The following CCBE1 variants were observed in gnomAD, a reference collection of about 807,000 sequenced individuals.
CCBE1 encodes the protein collagen and calcium binding EGF domains 1.
A neutral mutation model predicts 50.0 loss-of-function variants in CCBE1; 37 were observed. That is an observed-to-expected ratio of 0.74 (90% confidence interval 0.57 to 0.97). The LOEUF is 0.97. Among genes scored for constraint, CCBE1 ranks in the 50% least tolerant of loss-of-function variants. The pLI, the probability that CCBE1 is intolerant of heterozygous loss-of-function variation, is 0.00. For missense variants in CCBE1, 538 were observed against 523.8 expected (o/e 1.03, Z -0.26); for synonymous variants, 234 against 203.7 (o/e 1.15, Z -1.27).
intron 2 of CCBE1, among the ~76,000 whole-genome samples, chr18:59,609,242 C>T (rs1052158949): frequency 1.7e-4 from 26 of 152,228 alleles, no homozygotes; most frequent in African/African-American, 6.3e-4. Context: ...TTGGCTTCAA[C>T]CACCATTCAT....
chr18:59,475,665 C>T (rs1419372511), intron 3 of CCBE1, among the ~76,000 whole-genome samples: 10 of 152,136 alleles, frequency 6.6e-5, no homozygotes, highest in East Asian at 1.9e-4. Context: ...ACCCTCTCAC[C>T]GCCCATGGGA....
chr18:59,462,468 C>G (rs1911532805), intron 5 of CCBE1: 1 of 152,104 alleles, frequency 6.6e-6, no homozygotes, highest in Non-Finnish European at 1.5e-5. Flanking sequence ...TCACTGCAGC[C>G]TCAACCTCCT....
intron 2 of CCBE1, among the ~76,000 whole-genome samples, chr18:59,631,127 T>C (rs2053843347): frequency 6.6e-6 from 1 of 152,074 alleles, no homozygotes; most frequent in African/African-American, 2.4e-5. Context: ...GAATACAACT[T>C]ACTTGCCCAC....
rs2143674300 is a variant in CCBE1 at position 59,454,856 on chromosome 18, G to T, written c.649C>A (p.Gln217Lys). 1 of 1,614,062 alleles carries T rather than the reference G, an allele frequency of 6.2e-7. No homozygotes were observed. Among genetic ancestry groups the T allele is most frequent in the African/African-American group, 1.3e-5 (1 of 75,060 alleles). ...CCCACCCCAGCGGCACGTACCTTTT[G>T]CTTCAGCTGCAGCACGGTCTGCTTC... ...QMKQTVLQLK[Q>K]KIALLPNNAA... Residue 217 changes from glutamine to lysine, a missense_variant, in exon 6 of 11, where the codon CAA becomes AAA. Coordinates refer to ENST00000439986, the MANE Select transcript of CCBE1 (RefSeq NM_133459.4).
intron 2 of CCBE1, among the ~76,000 whole-genome samples, chr18:59,556,496 G>A (rs2052659115): frequency 6.6e-6 from 1 of 152,080 alleles, no homozygotes; most frequent in Non-Finnish European, 1.5e-5. Context: ...ATTACTTATT[G>A]AATGTGATCC....
At chr18:59,656,008 T>C (rs1438931149) in intron 2 of CCBE1, among the ~76,000 whole-genome samples, 2 of 152,210 alleles carry the variant, frequency 1.3e-5, no homozygotes, top group African/African-American at 4.8e-5. Flanking sequence ...ATGTTGACTC[T>C]CTGTGAATGT....
At chr18:59,630,904 T>C (rs1297130925) in intron 2 of CCBE1, among the ~76,000 whole-genome samples, 1 of 152,240 alleles carries the variant, frequency 6.6e-6, no homozygotes, top group Non-Finnish European at 1.5e-5. Flanking sequence ...TCTAGCAATG[T>C]GCAAACACTG....
intron 2 of CCBE1, among the ~76,000 whole-genome samples, chr18:59,680,791 A>G (rs2144729322): frequency 6.6e-6 from 1 of 152,306 alleles, no homozygotes; most frequent in Non-Finnish European, 1.5e-5. Context: ...ATCAGGTTAC[A>G]AACCCAGCCT....
intron 7 of CCBE1, among the ~76,000 whole-genome samples, chr18:59,441,887 G>A (rs1488618553): frequency 1.3e-5 from 2 of 152,124 alleles, no homozygotes; most frequent in Non-Finnish European, 2.9e-5. Context: ...AAGTGTAATT[G>A]GAGTCCAAGG....
At chr18:59,527,506 ATAT>A (rs1264100542) in intron 2 of CCBE1, among the ~76,000 whole-genome samples, 2 of 152,092 alleles carry the variant, frequency 1.3e-5, no homozygotes, top group African/African-American at 2.4e-5. Flanking sequence ...TTTAGGGTTA[ATAT>A]TATGTGTGAA....
At chr18:59,561,082 T>C (rs571882442) in intron 2 of CCBE1, among the ~76,000 whole-genome samples, 1 of 152,216 alleles carries the variant, frequency 6.6e-6, no homozygotes, top group South Asian at 2.1e-4. Flanking sequence ...CACCATATGG[T>C]TTAAAACCAA....
intron 2 of CCBE1, among the ~76,000 whole-genome samples, chr18:59,664,177 G>A (rs1390656001): frequency 6.6e-6 from 1 of 152,082 alleles, no homozygotes; most frequent in African/African-American, 2.4e-5. Flanking sequence ...CAGCCCTATA[G>A]GGGCTTTTAT....
intron 2 of CCBE1, among the ~76,000 whole-genome samples, chr18:59,652,359 C>A (rs562294544): frequency 6.6e-6 from 1 of 152,300 alleles, no homozygotes; most frequent in East Asian, 1.9e-4. Context: ...TCAATAGCAC[C>A]GTTGGGACTC....
intron 2 of CCBE1, among the ~76,000 whole-genome samples, chr18:59,623,281 G>A (rs1353082509): frequency 6.6e-6 from 1 of 152,140 alleles, no homozygotes; most frequent in Non-Finnish European, 1.5e-5. Flanking sequence ...GTTAACCGCT[G>A]CCATTCTGTG....
intron 2 of CCBE1, among the ~76,000 whole-genome samples, chr18:59,556,369 G>A (rs1390438688): frequency 6.6e-6 from 1 of 152,098 alleles, no homozygotes; most frequent in Admixed American, 6.6e-5. Context: ...AGTGCGAGGA[G>A]GACTCCAATC....
chr18:59,594,299 G>T (rs1420548908), intron 2 of CCBE1, among the ~76,000 whole-genome samples: 3 of 152,224 alleles, frequency 2.0e-5, no homozygotes, highest in East Asian at 1.9e-4. Context: ...AGCATGTAGA[G>T]ATCTAATTAC....
chr18:59,505,322 C>T lies in CCBE1; in HGVS notation c.213-25084G>A, dbSNP rs141237903. Among the ~76,000 whole-genome samples the T allele has an allele frequency of 2.4e-4, 37 of 152,266 alleles. 1 individual carries two copies. Among genetic ancestry groups the T allele is most frequent in the South Asian group, 1.5e-3 (7 of 4,824 alleles). ...AGAGATACCCCAGCAGGACCAGGGA[C>T]GCCATCCTTGAGCCTGAGGCCACAG... On this transcript the variant is annotated intron_variant, in intron 2 of 10. Coordinates refer to ENST00000439986, the MANE Select transcript of CCBE1 (RefSeq NM_133459.4).
intron 7 of CCBE1, 143 bp downstream of exon 7, chr18:59,447,840 T>C (rs1171107335): frequency 1.6e-6 from 2 of 1,229,940 alleles, no homozygotes; most frequent in African/African-American, 1.5e-5. Flanking sequence ...TCTCATTGCA[T>C]GGGTGTGTGG....
rs555686296 is a variant in CCBE1, at chr18:59,618,917, G to A, written c.212+77712C>T. ...TATTTTACTTCGTGTATAGTGGAGA[G>A]AGAATATCTGCTACTCCAGGTATTG... On this transcript the variant is annotated intron_variant, in intron 2 of 10. Coordinates refer to ENST00000439986, the MANE Select transcript of CCBE1 (RefSeq NM_133459.4). 9.9e-5 allele frequency among the ~76,000 whole-genome samples: 15 copies of A among 152,226 alleles called. 1 individual carries two copies. Among genetic ancestry groups the A allele is most frequent in the African/African-American group, 3.6e-4 (15 of 41,516 alleles).
Sources: allele counts gnomAD v4.1 joint callset (sites outside exome capture counted in the v4.1 genomes callset), GRCh38; gene constraint gnomAD v4.1.1; transcripts MANE v1.5; gene names NCBI Gene and HGNC (gene_info 2026-07-23, HGNC 2026-07-21).